The following FANCL variants were observed in gnomAD, a reference collection of about 807,000 sequenced individuals.
FANCL encodes E3 ubiquitin-protein ligase FANCL.
A neutral mutation model predicts 59.4 loss-of-function variants in FANCL; 69 were observed. That is an observed-to-expected ratio of 1.16 (90% CI 0.96 to 1.42). The LOEUF (loss-of-function observed/expected upper bound fraction) is 1.42. FANCL is among the 40% of genes most tolerant of loss of function. FANCL has a pLI of 0.00. For synonymous variants in FANCL, 180 were observed against 147.1 expected (o/e 1.22, Z -1.62); for missense variants, 519 against 447.2 (o/e 1.16, Z -1.45).
intron 6 of FANCL, 87 bp downstream of exon 6, chr2:58,204,043 C>G: frequency 2.0e-6 from 2 of 992,494 alleles, no homozygotes; most frequent in Non-Finnish European, 3.2e-6. Flanking sequence ...TTAGATGTAA[C>G]TAGCACTTCT....
Position 58,161,606 on chromosome 2 carries a change from A to C in FANCL, c.936T>G (p.Ala312=). 1 of 1,611,552 alleles carries C rather than the reference A, an allele frequency of 6.2e-7. No individual in the cohort carries two copies. Residue 312 remains alanine (A), a synonymous_variant, in exon 12 of 14, where the codon GCT becomes GCG. Transcript: ENST00000233741. ...DFTMDCGICY[A]YQLDGTIPDQ... is the part of the protein sequence containing the mutation. Reference sequence around the variant, plus strand: ...CAGGAATGGTACCGTCAAGTTGATAAGCATAACAAATTCCACAATCCATAG... The same window carrying C: ...CAGGAATGGTACCGTCAAGTTGATACGCATAACAAATTCCACAATCCATAG...
intron 7 of FANCL, among the ~76,000 whole-genome samples, chr2:58,178,689 T>C (rs1274115728): frequency 6.6e-6 from 1 of 152,128 alleles, no homozygotes; most frequent in East Asian, 1.9e-4. Flanking sequence ...GGATGCTCTC[T>C]CTCACCACTC....
intron 5 of FANCL, among the ~76,000 whole-genome samples, chr2:58,218,394 T>C (rs72810385): frequency 0.092 from 13,939 of 151,838 alleles, 693 homozygotes; most frequent in African/African-American, 0.1. Context: ...ATATGGCTCT[T>C]GCAAAACTGA....
chr2:58,194,012 C>A (rs1272954501), intron 7 of FANCL, among the ~76,000 whole-genome samples: 1 of 151,030 alleles, frequency 6.6e-6, no homozygotes, highest in Non-Finnish European at 1.5e-5. Flanking sequence ...GGACTGACTC[C>A]TTTAATTACA....
intron 5 of FANCL, among the ~76,000 whole-genome samples, chr2:58,218,558 A>C (rs1692077170): frequency 6.6e-6 from 1 of 151,930 alleles, no homozygotes; most frequent in African/African-American, 2.4e-5. Flanking sequence ...AAGTACATTG[A>C]AGTGGGTGGA....
intron 6 of FANCL, among the ~76,000 whole-genome samples, chr2:58,202,239 T>TA (rs5831491): frequency 0.5 from 52,654 of 105,812 alleles, 13,077 homozygotes; most frequent in South Asian, 0.61. Flanking sequence ...ACCTTTTTCC[T>TA]AAAAAAAAAA....
chr2:58,214,531 G>T (rs1691510242), intron 5 of FANCL, among the ~76,000 whole-genome samples: 1 of 151,830 alleles, frequency 6.6e-6, no homozygotes, highest in African/African-American at 2.4e-5. Context: ...TGCTCTTGTT[G>T]ACAGGGTCTC....
At chr2:58,195,989 T>G (rs976209479) in intron 7 of FANCL, among the ~76,000 whole-genome samples, 1 of 152,154 alleles carries the variant, frequency 6.6e-6, no homozygotes, top group African/African-American at 2.4e-5. Flanking sequence ...TTTGTCAGAA[T>G]TTGTGAATAA....
intron 1 of FANCL, among the ~76,000 whole-genome samples, chr2:58,232,490 T>C (rs967957187): frequency 2.0e-5 from 3 of 152,076 alleles, no homozygotes; most frequent in East Asian, 3.8e-4. Context: ...ATTGCTTTAA[T>C]GGAAGAAAAA....
chr2:58,238,392 G>C (rs1450977119), intron 1 of FANCL, among the ~76,000 whole-genome samples: 1 of 152,164 alleles, frequency 6.6e-6, no homozygotes, highest in African/African-American at 2.4e-5. Context: ...GACAATAATT[G>C]TTTTTGTTTT....
intron 5 of FANCL, among the ~76,000 whole-genome samples, chr2:58,221,193 A>G (rs142129291): frequency 9.2e-5 from 14 of 152,280 alleles, no homozygotes; most frequent in African/African-American, 3.1e-4. Context: ...GTCTCAAAAA[A>G]AAAAAAGTGA....
At chr2:58,210,989 A>C (rs1315467394) in intron 5 of FANCL, among the ~76,000 whole-genome samples, 2 of 152,158 alleles carry the variant, frequency 1.3e-5, no homozygotes, top group East Asian at 3.9e-4. Flanking sequence ...ACAGTGTGCA[A>C]GCTGTCAGTG....
chr2:58,214,944 AT>A (rs1691559119), intron 5 of FANCL, among the ~76,000 whole-genome samples: 1 of 152,126 alleles, frequency 6.6e-6, no homozygotes. Flanking sequence ...GCTTCAACTG[AT>A]TTTTCTTATT....
chr2:58,173,890 A>C (rs948974165), intron 7 of FANCL, among the ~76,000 whole-genome samples: 8 of 152,044 alleles, frequency 5.3e-5, no homozygotes, highest in African/African-American at 7.2e-5. Context: ...TTCAGGAAAC[A>C]AATCTCACAA....
rs1693400339 is a variant in FANCL, at chr2:58,229,839, C to T, written c.191G>A (p.Ser64Asn). Residue 64 changes from serine (S) to asparagine (N), a missense_variant, in exon 3 of 14, where the codon AGT becomes AAT. Coordinates refer to ENST00000233741, the MANE Select transcript of FANCL (RefSeq NM_018062.4). ...LCSWQLRTILSGYHRIVQQRM... is the reference protein window; with the variant it reads ...LCSWQLRTILNGYHRIVQQRM... ...CTGTTGTACTATTCGATGGTATCCA[C>T]TAAGTATTGTTCTCAGCTGCCAACT... is the stretch of plus-strand genomic sequence containing the variant. The T allele has an allele frequency of 2.5e-6, 4 of 1,611,058 alleles. No homozygotes were observed. The highest frequency in any genetic ancestry group is 2.2e-5 in the East Asian group (1 of 44,760).
At chr2:58,233,156 ATG>A (rs778992712) in intron 1 of FANCL, among the ~76,000 whole-genome samples, 5 of 152,122 alleles carry the variant, frequency 3.3e-5, no homozygotes, top group Non-Finnish European at 5.9e-5. Flanking sequence ...AAAAGGTATT[ATG>A]TAGTAACTTT....
chr2:58,193,348 A>C (rs927289820), intron 7 of FANCL, among the ~76,000 whole-genome samples: 2 of 152,082 alleles, frequency 1.3e-5, no homozygotes, highest in African/African-American at 4.8e-5. Flanking sequence ...GTAACTTTAC[A>C]TTTTAATTTT....
intron 1 of FANCL, among the ~76,000 whole-genome samples, chr2:58,235,701 A>C (rs1322083583): frequency 2.6e-5 from 4 of 152,146 alleles, no homozygotes; most frequent in Non-Finnish European, 5.9e-5. Flanking sequence ...AGAGACATAA[A>C]AATGGCACAG....
intron 3 of FANCL, among the ~76,000 whole-genome samples, chr2:58,229,238 A>G (rs893135837): frequency 6.6e-6 from 1 of 152,214 alleles, no homozygotes; most frequent in Non-Finnish European, 1.5e-5. Context: ...ATTTTTCTAA[A>G]AGAAGAATTA....
Sources: allele counts gnomAD v4.1 joint callset (sites outside exome capture counted in the v4.1 genomes callset), GRCh38; gene constraint gnomAD v4.1.1; transcripts MANE v1.5; gene names NCBI Gene and HGNC (gene_info 2026-07-23, HGNC 2026-07-21).